WASHC3: variants seen among roughly 807,000 people sequenced by gnomAD.
The protein encoded by WASHC3 is WASH complex subunit CCDC53.
A neutral mutation model predicts 26.1 loss-of-function variants in WASHC3; 24 were observed. The observed-to-expected ratio is 0.92, with a 90% CI of 0.66 to 1.29. WASHC3 has a LOEUF of 1.29. Ranked by LOEUF, WASHC3 falls within the 50% of genes most tolerant of loss-of-function variation. The pLI, the probability that WASHC3 is intolerant of heterozygous loss-of-function variation, is 0.00. For missense variants in WASHC3, 214 were observed against 229.6 expected, an observed-to-expected ratio of 0.93 and a Z score of 0.44; for synonymous variants, 77 against 75.7, an observed-to-expected ratio of 1.02 and a Z score of -0.09.
intron 2 of WASHC3, chr12:102,050,566 C>T: frequency 4.4e-6 from 2 of 453,132 alleles, no homozygotes; most frequent in South Asian, 1.6e-5. Flanking sequence ...TCACTTGAGC[C>T]CAGGAAGTTG....
intron 2 of WASHC3, among the ~76,000 whole-genome samples, chr12:102,054,213 G>A (rs188422000): frequency 3.9e-5 from 6 of 152,200 alleles, no homozygotes; most frequent in Non-Finnish European, 5.9e-5. Context: ...GAACAAAATC[G>A]CAGCAGTAAG....
At chr12:102,048,808 A>T (rs375027486) in intron 2 of WASHC3, among the ~76,000 whole-genome samples, 27 of 152,310 alleles carry the variant, frequency 1.8e-4, no homozygotes, top group African/African-American at 5.1e-4. Flanking sequence ...TTGTAATCCT[A>T]TGCATTTTAT....
intron 5 of WASHC3, among the ~76,000 whole-genome samples, chr12:102,029,505 T>C (rs926041437): frequency 1.3e-5 from 2 of 152,212 alleles, no homozygotes; most frequent in Non-Finnish European, 2.9e-5. Context: ...AAAAACTGTT[T>C]GGAGGTTTAT....
intron 2 of WASHC3, among the ~76,000 whole-genome samples, chr12:102,058,203 G>T (rs1594374285): frequency 6.6e-6 from 1 of 152,054 alleles, no homozygotes; most frequent in African/African-American, 2.4e-5. Flanking sequence ...GGGACAACTG[G>T]ATATCCACAT....
intron 2 of WASHC3, among the ~76,000 whole-genome samples, chr12:102,054,686 A>G (rs879838943): frequency 1.3e-5 from 2 of 152,266 alleles, no homozygotes; most frequent in Admixed American, 1.3e-4. Context: ...AATACATTTA[A>G]GGAGACTGAA....
chr12:102,032,596 A>G (rs1877483721), intron 5 of WASHC3, among the ~76,000 whole-genome samples: 1 of 152,058 alleles, frequency 6.6e-6, no homozygotes, highest in Admixed American at 6.6e-5. Flanking sequence ...GTTAAAAAGG[A>G]AAAAAAAGTC....
chr12:102,051,080 A>T (rs1370818623), intron 2 of WASHC3, among the ~76,000 whole-genome samples: 2 of 152,258 alleles, frequency 1.3e-5, no homozygotes, highest in Non-Finnish European at 2.9e-5. Context: ...CTTCTCTTTA[A>T]TGAAGAACTC....
At chr12:102,037,977 T>C (rs768425365) in intron 5 of WASHC3, among the ~76,000 whole-genome samples, 7 of 152,044 alleles carry the variant, frequency 4.6e-5, no homozygotes, top group Non-Finnish European at 1.0e-4. Flanking sequence ...GTATTTTTAG[T>C]AGAGACAAGG....
chr12:102,025,162 A>G (rs1266163044), intron 6 of WASHC3, among the ~76,000 whole-genome samples: 2 of 152,196 alleles, frequency 1.3e-5, no homozygotes, highest in Non-Finnish European at 2.9e-5. Context: ...GTATACTGCT[A>G]GTACAGTAAT....
chr12:102,061,957 A>G lies in WASHC3; in HGVS notation c.6T>C (p.Asp2=). The part of the protein sequence containing the change: M[D]EDGLPLMGSG... ...ACCCCATGAGAGGAAGCCCGTCCTC[A>G]TCCATCTCCTCAGCGGGCGGTGGAC... Residue 2 remains aspartate, a synonymous_variant, in exon 1 of 7, where the codon GAT becomes GAC. Transcript: ENST00000240079. 1 of 1,598,096 alleles carries G rather than the reference A, an allele frequency of 6.3e-7. No homozygotes were observed. Among genetic ancestry groups the G allele is most frequent in the Non-Finnish European group, 8.5e-7 (1 of 1,171,498 alleles).
intron 4 of WASHC3, among the ~76,000 whole-genome samples, chr12:102,043,314 G>A (rs1379755272): frequency 6.6e-6 from 1 of 152,044 alleles, no homozygotes; most frequent in Non-Finnish European, 1.5e-5. Context: ...CTGTCACCTA[G>A]GCTGGAGTGC....
At chr12:102,025,934 G>A (rs1314167380) in intron 6 of WASHC3, 40 bp downstream of exon 6, 1 of 965,618 alleles carries the variant, frequency 1.0e-6, no homozygotes, top group Non-Finnish European at 1.6e-6. Flanking sequence ...CAAATTCAAT[G>A]TCCTGGCAAT....
rs560673888 is a variant in WASHC3 at position 102,027,089 on chromosome 12, T to C, written c.436-1051A>G. Among the ~76,000 whole-genome samples, 3 of 152,346 alleles carry C rather than the reference T, an allele frequency of 2.0e-5. No homozygotes were observed. In the South Asian group the frequency reaches 6.2e-4, roughly 32 times the overall value. Reference sequence around the variant, plus strand: ...TAATTGCACATGTTTATGTGTATAATGTGCTGTTTTGAAACATGTACACAT... The same window carrying C: ...TAATTGCACATGTTTATGTGTATAACGTGCTGTTTTGAAACATGTACACAT... On this transcript the variant is annotated intron_variant, in intron 5 of 6. Coordinates refer to ENST00000240079, the MANE Select transcript of WASHC3 (RefSeq NM_016053.4).
chr12:102,018,057 A>C (rs1423017791), intron 6 of WASHC3, among the ~76,000 whole-genome samples: 1 of 152,190 alleles, frequency 6.6e-6, no homozygotes, highest in Non-Finnish European at 1.5e-5. Context: ...TGGAATCATA[A>C]AATATTTGTC....
intron 6 of WASHC3, 131 bp downstream of exon 6, chr12:102,025,843 T>G: frequency 4.7e-6 from 3 of 637,522 alleles, no homozygotes; most frequent in Non-Finnish European, 8.2e-6. Context: ...AGACACACTA[T>G]TTACAAAGAT....
At chr12:102,030,421 AAAG>A (rs1289810071) in intron 5 of WASHC3, among the ~76,000 whole-genome samples, 3 of 152,128 alleles carry the variant, frequency 2.0e-5, no homozygotes, top group Non-Finnish European at 4.4e-5. Context: ...TCATAACACA[AAAG>A]AAAACAAATG....
In WASHC3 at chr12:102,061,799, G is replaced by A. The variant is rs570895955; in HGVS notation, c.51+113C>T. 1.8e-5 allele frequency: 16 copies of A among 870,444 alleles called. No homozygotes were observed. The African/African-American group carries it at 2.4e-4, about 13-fold the overall frequency. The allele number at this position is 870,444 out of a possible 1,614,324, so 53.9% of individuals were successfully genotyped here. On this transcript the variant is annotated intron_variant, in intron 1 of 6. Coordinates refer to ENST00000240079, the MANE Select transcript of WASHC3 (RefSeq NM_016053.4). ...TGAGGCCCCACAGGCCTGTCACAAGGGCCCGAGGCCGTGACAGGGTGGGGA... is the reference window on the plus strand; with the variant it reads ...TGAGGCCCCACAGGCCTGTCACAAGAGCCCGAGGCCGTGACAGGGTGGGGA...
In WASHC3 at chr12:102,028,830, TAATAAG is replaced by T. The variant is rs560051019; in HGVS notation, c.436-2798_436-2793del. Among the ~76,000 whole-genome samples the T allele has an allele frequency of 2.6e-3, 386 of 150,980 alleles. 1 individual carries two copies. The highest frequency in any genetic ancestry group is 2.7e-3 in the Non-Finnish European group (183 of 67,756). On this transcript the variant is annotated intron_variant, in intron 5 of 6. Coordinates refer to ENST00000240079, the MANE Select transcript of WASHC3 (RefSeq NM_016053.4). Reference sequence around the variant, plus strand: ...TATATCACAATAAGAATTATAAGAATAATAAGAATAAGTATAAGAATAATAGAAACC... The same window carrying T: ...TATATCACAATAAGAATTATAAGAATAATAAGTATAAGAATAATAGAAACC...
At chr12:102,051,278 G>T (rs571271726) in intron 2 of WASHC3, among the ~76,000 whole-genome samples, 1 of 151,718 alleles carries the variant, frequency 6.6e-6, no homozygotes, top group Non-Finnish European at 1.5e-5. Flanking sequence ...AACAGTTGAG[G>T]TTCCTCTTTT....
Sources: gnomAD v4.1 joint callset for allele counts (sites outside exome capture counted in the v4.1 genomes callset) on GRCh38, gnomAD v4.1.1 for gene constraint, MANE v1.5 for transcripts, NCBI Gene and HGNC (gene_info 2026-07-23, HGNC 2026-07-21) for gene names.